The following CCSER1 variants were observed in gnomAD, a reference collection of about 807,000 sequenced individuals.
CCSER1 encodes the protein coiled-coil serine rich protein 1.
CCSER1 carries 41 observed loss-of-function variants against 82.0 expected under a neutral mutation model. That is an observed-to-expected ratio of 0.50 (90% CI 0.39 to 0.65). The LOEUF (loss-of-function observed/expected upper bound fraction) is 0.65. Ranked by LOEUF, CCSER1 falls within the 30% of genes least tolerant of loss-of-function variation. The pLI is 0.00. For synonymous variants in CCSER1, 414 were observed against 383.9 expected (o/e 1.08, Z -0.92); for missense variants, 1,119 against 1,064.2 (o/e 1.05, Z -0.72).
At chr4:90,590,653 C>T (rs1002702807) in intron 5 of CCSER1, among the ~76,000 whole-genome samples, 1 of 151,796 alleles carries the variant, frequency 6.6e-6, no homozygotes, top group Non-Finnish European at 1.5e-5. Context: ...TTCCATAAGC[C>T]TATATGTCTG....
At chr4:90,562,780 C>T (rs978467593) in intron 5 of CCSER1, among the ~76,000 whole-genome samples, 3 of 151,226 alleles carry the variant, frequency 2.0e-5, no homozygotes, top group East Asian at 2.0e-4. Context: ...TCAAGCAGTC[C>T]TCCTGCCTTG....
intron 1 of CCSER1, among the ~76,000 whole-genome samples, chr4:90,151,379 T>C (rs988898922): frequency 5.3e-5 from 8 of 152,084 alleles, no homozygotes; most frequent in African/African-American, 1.9e-4. Flanking sequence ...ATTATTAGGC[T>C]TAATATTCAA....
At chr4:90,133,499 G>A (rs140061262) in intron 1 of CCSER1, among the ~76,000 whole-genome samples, 2 of 152,280 alleles carry the variant, frequency 1.3e-5, no homozygotes, top group Non-Finnish European at 2.9e-5. Flanking sequence ...GATTATAGCT[G>A]TTTTAGCTGT....
chr4:90,730,028 G>A (rs1445425216), intron 7 of CCSER1, among the ~76,000 whole-genome samples: 3 of 152,118 alleles, frequency 2.0e-5, no homozygotes, highest in African/African-American at 4.8e-5. Flanking sequence ...TTCCAGTGAA[G>A]GAATATTATT....
intron 1 of CCSER1, among the ~76,000 whole-genome samples, chr4:90,226,814 C>A (rs1743252950): frequency 6.6e-6 from 1 of 152,128 alleles, no homozygotes; most frequent in Non-Finnish European, 1.5e-5. Context: ...CCTTTAGAAT[C>A]CTCTGCAGGA....
At chr4:91,278,115 G>T (rs1462291638) in intron 10 of CCSER1, among the ~76,000 whole-genome samples, 1 of 152,014 alleles carries the variant, frequency 6.6e-6, no homozygotes, top group Admixed American at 6.6e-5. Context: ...CCTGGAGAAT[G>T]TTCCATATGC....
intron 8 of CCSER1, among the ~76,000 whole-genome samples, chr4:90,825,177 C>T (rs993247840): frequency 2.0e-5 from 3 of 152,086 alleles, no homozygotes; most frequent in Non-Finnish European, 4.4e-5. Flanking sequence ...AAAATAATTG[C>T]TCTATGATTT....
intron 10 of CCSER1, among the ~76,000 whole-genome samples, chr4:91,198,321 G>T (rs1581755520): frequency 6.6e-6 from 1 of 150,574 alleles, no homozygotes; most frequent in Non-Finnish European, 1.5e-5. Context: ...GCCACACACT[G>T]TGTCTCAGTG....
At chr4:91,025,179 G>C (rs1030042511) in intron 9 of CCSER1, among the ~76,000 whole-genome samples, 1 of 152,160 alleles carries the variant, frequency 6.6e-6, no homozygotes, top group East Asian at 1.9e-4. Flanking sequence ...GAATATATTT[G>C]TCTCTTGTAA....
intron 7 of CCSER1, among the ~76,000 whole-genome samples, chr4:90,793,599 G>T (rs117168000): frequency 6.6e-6 from 1 of 152,064 alleles, no homozygotes; most frequent in Non-Finnish European, 1.5e-5. Flanking sequence ...TTGATTCCAC[G>T]TCTTTGCCAT....
chr4:90,399,995 A>T, intron 3 of CCSER1, 41 bp from the exon 4 acceptor site: 1 of 1,103,778 alleles, frequency 9.1e-7, no homozygotes. Flanking sequence ...TCATTTACTC[A>T]GTGTTTTGGT....
At chr4:90,221,749 C>T (rs1390062611) in intron 1 of CCSER1, among the ~76,000 whole-genome samples, 1 of 152,020 alleles carries the variant, frequency 6.6e-6, no homozygotes, top group Non-Finnish European at 1.5e-5. Flanking sequence ...GCTTTGACAG[C>T]GGAAGTAGGA....
intron 3 of CCSER1, among the ~76,000 whole-genome samples, chr4:90,349,535 T>G (rs17228831): frequency 0.041 from 6,304 of 152,196 alleles, 205 homozygotes; most frequent in South Asian, 0.1. Flanking sequence ...CATGTTCTTA[T>G]TTTTTTGTAT....
chr4:90,611,488 G>T (rs559931333), intron 5 of CCSER1, among the ~76,000 whole-genome samples: 5 of 151,880 alleles, frequency 3.3e-5, no homozygotes, highest in African/African-American at 1.2e-4. Context: ...AGAATAAAAT[G>T]ATCCCAGGGG....
chr4:90,484,717 G>C (rs1466879721), intron 5 of CCSER1, among the ~76,000 whole-genome samples: 1 of 152,146 alleles, frequency 6.6e-6, no homozygotes, highest in Non-Finnish European at 1.5e-5. Flanking sequence ...GCTGCTCCCT[G>C]ATGGTTCCTC....
At chr4:91,218,718 A>G (rs1737496153) in intron 10 of CCSER1, among the ~76,000 whole-genome samples, 1 of 152,166 alleles carries the variant, frequency 6.6e-6, no homozygotes, top group Non-Finnish European at 1.5e-5. Flanking sequence ...TTAGGACACT[A>G]TACTTTGCAT....
At chr4:90,315,686 T>C (rs1579136629) in intron 3 of CCSER1, among the ~76,000 whole-genome samples, 1 of 151,922 alleles carries the variant, frequency 6.6e-6, no homozygotes, top group Non-Finnish European at 1.5e-5. Context: ...GTATTTTTAG[T>C]AGAGATGTGG....
At chr4:90,231,429 T>G (rs910742177) in intron 1 of CCSER1, among the ~76,000 whole-genome samples, 87 of 150,876 alleles carry the variant, frequency 5.8e-4, no homozygotes, top group Non-Finnish European at 8.1e-4. Context: ...CAACCCTTCA[T>G]GCTAAAAACT....
intron 3 of CCSER1, among the ~76,000 whole-genome samples, chr4:90,358,882 C>G (rs889928346): frequency 6.6e-6 from 1 of 152,114 alleles, no homozygotes; most frequent in Non-Finnish European, 1.5e-5. Flanking sequence ...TTATAAGGCA[C>G]TTAAGTCATT....
Sources: allele counts gnomAD v4.1 joint callset (sites outside exome capture counted in the v4.1 genomes callset), GRCh38; gene constraint gnomAD v4.1.1; transcripts MANE v1.5; gene names NCBI Gene and HGNC (gene_info 2026-07-23, HGNC 2026-07-21).